The following PSAP variants were observed in gnomAD, a reference collection of about 807,000 sequenced individuals.
PSAP encodes the protein precursor of saposins.
Under a neutral mutation model 66.0 loss-of-function variants are expected in PSAP, and 25 were observed. That is an observed-to-expected ratio of 0.38 (90% CI 0.28 to 0.53). PSAP has a LOEUF of 0.53. Among genes scored for constraint, PSAP ranks in the 20% least tolerant of loss-of-function variants. PSAP has a pLI of 0.83. For synonymous variants in PSAP, 273 were observed against 258.9 expected, an observed-to-expected ratio of 1.05 and a Z score of -0.52; for missense variants, 649 against 668.8, an observed-to-expected ratio of 0.97 and a Z score of 0.33.
chr10:71,822,690 C>G, intron 7 of PSAP: 1 of 471,232 alleles, frequency 2.1e-6, no homozygotes, highest in Non-Finnish European at 4.4e-6. Context: ...AAGAGTGAGA[C>G]AAGTGTATAG....
At chr10:71,843,884 T>C (rs1842773785) in intron 1 of PSAP, among the ~76,000 whole-genome samples, 2 of 152,236 alleles carry the variant, frequency 1.3e-5, no homozygotes, top group Non-Finnish European at 1.5e-5. Context: ...AAATGTACCA[T>C]GGTTATACAA....
chr10:71,819,279 T>C lies in PSAP; in HGVS notation c.1351-168A>G. The C allele has an allele frequency of 4.8e-6, 5 of 1,047,108 alleles. No individual in the cohort carries two copies. In the South Asian group the frequency reaches 6.8e-5, roughly 14 times the overall value. The allele number at this position is 1,047,108 out of a possible 1,614,324, so 64.9% of individuals were successfully genotyped here. On this transcript the variant is annotated intron_variant, in intron 11 of 13. Transcript: ENST00000394936. ...CCAGACACCCTATCTACATTTGGCCTCTCTACTTCAGGTTGCTTCCCCCAG... is the reference window on the plus strand; with the variant it reads ...CCAGACACCCTATCTACATTTGGCCCCTCTACTTCAGGTTGCTTCCCCCAG...
rs1842531278 is a variant in PSAP, at chr10:71,832,028, A to T, written c.175-108T>A. 1.4e-5 allele frequency: 16 copies of T among 1,104,858 alleles called. No individual in the cohort carries two copies. The South Asian group carries it at 2.0e-4, about 14-fold the overall frequency. The allele number at this position is 1,104,858 out of a possible 1,614,324, so 68.4% of individuals were successfully genotyped here. On this transcript the variant is annotated intron_variant, in intron 2 of 13. Coordinates refer to ENST00000394936, the MANE Select transcript of PSAP (RefSeq NM_002778.4). ...GCTATTCTCTCTAACCAGGGATATGATCATGACCGCGCTCCTGTCACATCC... is the reference window on the plus strand; with the variant it reads ...GCTATTCTCTCTAACCAGGGATATGTTCATGACCGCGCTCCTGTCACATCC...
intron 2 of PSAP, among the ~76,000 whole-genome samples, chr10:71,833,992 C>T (rs2133052292): frequency 6.6e-6 from 1 of 152,348 alleles, no homozygotes; most frequent in Non-Finnish European, 1.5e-5. Context: ...TAGAGCCGCG[C>T]CCATGTGCCC....
At chr10:71,819,273 T>G in intron 11 of PSAP, 162 bp from the exon 12 acceptor site, 1 of 1,012,290 alleles carries the variant, frequency 9.9e-7, no homozygotes, top group Non-Finnish European at 1.5e-6. Context: ...CTATCTACAT[T>G]TGGCCTCTCT....
At chr10:71,850,567 G>A (rs1277595862) in intron 1 of PSAP, among the ~76,000 whole-genome samples, 1 of 152,138 alleles carries the variant, frequency 6.6e-6, no homozygotes, top group African/African-American at 2.4e-5. Context: ...ATGTTCTCAG[G>A]ACCTCCTGAG....
At chr10:71,851,074 G>T in intron 1 of PSAP, 108 bp downstream of exon 1, 1 of 1,321,424 alleles carries the variant, frequency 7.6e-7, no homozygotes, top group Non-Finnish European at 1.1e-6. Context: ...GCGCCCCCTT[G>T]CCAACTAGGG....
chr10:71,827,415 AAAG>A (rs759334470), intron 6 of PSAP, among the ~76,000 whole-genome samples: 10 of 127,940 alleles, frequency 7.8e-5, no homozygotes, highest in South Asian at 5.2e-4. Context: ...GAAAAAAAAA[AAAG>A]AAAAGAAAAG....
At chr10:71,849,226 T>C (rs1842879344) in intron 1 of PSAP, among the ~76,000 whole-genome samples, 1 of 152,382 alleles carries the variant, frequency 6.6e-6, no homozygotes, top group South Asian at 2.1e-4. Flanking sequence ...AATGATTTTT[T>C]TATAAGCAGA....
chr10:71,822,821 G>A (rs1262496168), intron 7 of PSAP, among the ~76,000 whole-genome samples: 1 of 152,156 alleles, frequency 6.6e-6, no homozygotes, highest in Non-Finnish European at 1.5e-5. Flanking sequence ...GACCTGTTAA[G>A]GGAAAAGAGC....
At chr10:71,818,752 A>C (rs758283274) in intron 12 of PSAP, 28 bp from the exon 13 acceptor site, 3 of 1,578,832 alleles carry the variant, frequency 1.9e-6, no homozygotes, top group Non-Finnish European at 2.6e-6. Flanking sequence ...GAAAGAAGAA[A>C]GGGGGAGAAT....
rs534244820 is a variant in PSAP at position 71,847,174 on chromosome 10, G to A, written c.40+4008C>T. 2.0e-5 allele frequency among the ~76,000 whole-genome samples: 3 copies of A among 152,044 alleles called. No individual in the cohort carries two copies. In the East Asian group the frequency reaches 5.8e-4, roughly 29 times the overall value. ...TTTGTTCTCAAAACAACCTGTCAGG[G>A]CCGGGTGCGGTGGCTCACACCTGTA... On this transcript the variant is annotated intron_variant, in intron 1 of 13. Coordinates refer to ENST00000394936, the MANE Select transcript of PSAP (RefSeq NM_002778.4).
At chr10:71,831,518 G>A (rs147378706) in intron 3 of PSAP, among the ~76,000 whole-genome samples, 1 of 152,310 alleles carries the variant, frequency 6.6e-6, no homozygotes, top group East Asian at 1.9e-4. Context: ...ATGGACCTAG[G>A]TATTAGTGGC....
At chr10:71,818,574 C>A in intron 13 of PSAP, 43 bp downstream of exon 13, 1 of 1,548,368 alleles carries the variant, frequency 6.5e-7, no homozygotes, top group Non-Finnish European at 8.9e-7. Context: ...CAGGCTACCC[C>A]AGGGCAAGAC....
chr10:71,829,724 C>T (rs907008456), intron 4 of PSAP, among the ~76,000 whole-genome samples: 3 of 152,156 alleles, frequency 2.0e-5, no homozygotes, highest in South Asian at 4.1e-4. Flanking sequence ...GGAGGCCAGG[C>T]GCAGTGGCTC....
intron 1 of PSAP, among the ~76,000 whole-genome samples, chr10:71,846,657 G>A (rs1017845747): frequency 1.2e-4 from 18 of 145,462 alleles, no homozygotes; most frequent in Admixed American, 6.4e-4. Context: ...ACTTAAACCC[G>A]GGAGGTGGAG....
Position 71,816,376 on chromosome 10 carries a change from C to T in PSAP, c.*1065G>A, listed in dbSNP as rs1210726126. On this transcript the variant is annotated 3_prime_UTR_variant, in exon 14 of 14. Coordinates refer to ENST00000394936, the MANE Select transcript of PSAP (RefSeq NM_002778.4). ...AATCACGAAGTCCATTTAATAGCAA[C>T]TTCATGTCCTGCTGGCTTTGCTTGC... is the stretch of plus-strand genomic sequence containing the variant. 1 of 470,668 alleles carries T rather than the reference C, an allele frequency of 2.1e-6. No homozygotes were observed. The highest frequency in any genetic ancestry group is 2.3e-5 in the Admixed American group (1 of 42,560). 29.2% of individuals were successfully genotyped at this position (470,668 alleles called of 1,614,324 possible).
At chr10:71,825,354 T>C (rs1021263266) in intron 7 of PSAP, among the ~76,000 whole-genome samples, 1 of 152,232 alleles carries the variant, frequency 6.6e-6, no homozygotes. Context: ...AATGAAGGAA[T>C]GCCCCCTGCC....
At chr10:71,838,090 G>A (rs1377136124) in intron 1 of PSAP, among the ~76,000 whole-genome samples, 1 of 152,198 alleles carries the variant, frequency 6.6e-6, no homozygotes, top group East Asian at 1.9e-4. Context: ...GGCACAAGGT[G>A]GCAGAACTGA....
Sources: gnomAD v4.1 joint callset for allele counts (sites outside exome capture counted in the v4.1 genomes callset) on GRCh38, gnomAD v4.1.1 for gene constraint, MANE v1.5 for transcripts, NCBI Gene and HGNC (gene_info 2026-07-23, HGNC 2026-07-21) for gene names.